EFCAB6: variants seen among roughly 807,000 people sequenced by gnomAD.
EFCAB6 encodes the protein EF-hand calcium-binding domain-containing protein 6.
A neutral mutation model predicts 169.8 loss-of-function variants in EFCAB6; 156 were observed. The ratio of observed to expected loss-of-function variants is 0.92; its 90% CI spans 0.81 to 1.05. The LOEUF (loss-of-function observed/expected upper bound fraction) is 1.05, where lower values mean the gene tolerates loss of function less well. EFCAB6 is among the 50% of genes least tolerant of loss of function. The pLI is 0.00. For missense variants in EFCAB6, 1,800 were observed against 1,829.1 expected (o/e 0.98, Z 0.29); for synonymous variants, 698 against 676.4 (o/e 1.03, Z -0.50).
At chr22:43,740,148 T>C (rs2060317129) in intron 6 of EFCAB6, among the ~76,000 whole-genome samples, 2 of 152,184 alleles carry the variant, frequency 1.3e-5, no homozygotes, top group Non-Finnish European at 2.9e-5. Context: ...GCTCACTCCC[T>C]GGCTTCATTC....
chr22:43,745,078 T>A (rs1320751692), intron 6 of EFCAB6, among the ~76,000 whole-genome samples: 1 of 152,174 alleles, frequency 6.6e-6, no homozygotes, highest in Non-Finnish European at 1.5e-5. Flanking sequence ...AGCTAAGAAA[T>A]CAAACTGCTT....
chr22:43,794,298 C>A (rs1192968271), intron 2 of EFCAB6, among the ~76,000 whole-genome samples: 1 of 152,184 alleles, frequency 6.6e-6, no homozygotes, highest in Non-Finnish European at 1.5e-5. Context: ...TGGGTGTTAT[C>A]TCATTTAATC....
chr22:43,786,058 C>A (rs1224365034), intron 2 of EFCAB6, among the ~76,000 whole-genome samples: 3 of 152,092 alleles, frequency 2.0e-5, no homozygotes, highest in Non-Finnish European at 4.4e-5. Context: ...TAAATTCTAC[C>A]AAACATTTAA....
rs1569487253 is a variant in EFCAB6, at chr22:43,784,562, T to TATATGTGTATATATACAC, written c.-7-2238_-7-2237insGTGTATATATACACATAT. Reference sequence around the variant, plus strand: ...GTGTGTGTATATGTATATATACACATATATATGTGTACATATACACATATA... The same window carrying TATATGTGTATATATACAC: ...GTGTGTGTATATGTATATATACACATATATGTGTATATATACACATATATGTGTACATATACACATATA... On this transcript the variant is annotated intron_variant, in intron 2 of 31. Transcript: ENST00000262726. Among the ~76,000 whole-genome samples, 35 of 77,088 alleles carry TATATGTGTATATATACAC rather than the reference T, an allele frequency of 4.5e-4. 1 individual carries two copies. The highest frequency in any genetic ancestry group is 1.8e-3 in the African/African-American group (31 of 16,996). 50.6% of individuals were successfully genotyped at this position (77,088 alleles called of 152,430 possible). A position where few individuals can be genotyped will look rare whatever the true frequency, so the allele number is the denominator to read the frequency against.
chr22:43,794,630 CG>C (rs1404908288), intron 2 of EFCAB6, among the ~76,000 whole-genome samples: 1 of 152,122 alleles, frequency 6.6e-6, no homozygotes, highest in East Asian at 1.9e-4. Flanking sequence ...GTTTGCAAAA[CG>C]GTTTAACAAT....
chr22:43,581,515 C>A (rs1032294255), intron 24 of EFCAB6, among the ~76,000 whole-genome samples: 1 of 152,126 alleles, frequency 6.6e-6, no homozygotes. Flanking sequence ...AAAAGTCTCA[C>A]GGAACATATA....
At chr22:43,565,074 T>C (rs927683901) in intron 26 of EFCAB6, among the ~76,000 whole-genome samples, 1 of 152,198 alleles carries the variant, frequency 6.6e-6, no homozygotes, top group Admixed American at 6.5e-5. Context: ...GCCCCTTGGC[T>C]TTGGATTCCG....
intron 24 of EFCAB6, among the ~76,000 whole-genome samples, chr22:43,581,452 G>A (rs1333326600): frequency 6.6e-6 from 1 of 152,182 alleles, no homozygotes; most frequent in African/African-American, 2.4e-5. Flanking sequence ...CCTTGACTCT[G>A]ACACAGAAGA....
rs36014478 is a variant in EFCAB6, at chr22:43,537,829, CTG to C, written c.3880-286_3880-285del. Among the ~76,000 whole-genome samples, 1 of 151,126 alleles carries C rather than the reference CTG, an allele frequency of 6.6e-6. No homozygotes were observed. The highest frequency in any genetic ancestry group is 1.5e-5 in the Non-Finnish European group (1 of 67,722). ...CAGATGAGATGTAAACATATTTCTG[CTG>C]TGTGTGTGTGTGTGTGAGAAGTGAC... is the stretch of plus-strand genomic sequence containing the variant. On this transcript the variant is annotated intron_variant, in intron 28 of 31. Coordinates refer to ENST00000262726, the MANE Select transcript of EFCAB6 (RefSeq NM_022785.4). The surrounding 1 kb of genome is among the most constrained non-coding windows in gnomAD (Gnocchi z 4.3).
intron 2 of EFCAB6, among the ~76,000 whole-genome samples, chr22:43,807,913 C>T (rs1314741710): frequency 6.6e-6 from 1 of 152,136 alleles, no homozygotes; most frequent in Non-Finnish European, 1.5e-5. Context: ...GTGGAAAAAT[C>T]AAAACCTTTG....
At chr22:43,574,781 G>A (rs1214377803) in intron 26 of EFCAB6, among the ~76,000 whole-genome samples, 1 of 152,178 alleles carries the variant, frequency 6.6e-6, no homozygotes, top group Non-Finnish European at 1.5e-5. Flanking sequence ...GTCATTTGTA[G>A]ACAACGAGAC....
At chr22:43,681,460 T>C (rs1603193257) in intron 12 of EFCAB6, among the ~76,000 whole-genome samples, 1 of 152,224 alleles carries the variant, frequency 6.6e-6, no homozygotes, top group Non-Finnish European at 1.5e-5. Flanking sequence ...AGGGTAATAC[T>C]GGCCTCAGAG....
rs183266797 is a variant in EFCAB6 at position 43,811,361 on chromosome 22, A to C, written c.-145+807T>G. 5.2e-4 allele frequency among the ~76,000 whole-genome samples: 55 copies of C among 106,516 alleles called. 1 individual carries two copies. In the East Asian group the frequency reaches 0.011, roughly 21 times the overall value. 69.9% of individuals were successfully genotyped at this position (106,516 alleles called of 152,430 possible). The stretch of plus-strand genomic sequence containing the variant: ...GAGAGAGGAGGGGAGGAAGGGAAGA[A>C]AGGGGAAGGGAAGGGAGGGGAGGGG... On this transcript the variant is annotated intron_variant, in intron 1 of 31. Coordinates refer to ENST00000262726, the MANE Select transcript of EFCAB6 (RefSeq NM_022785.4).
intron 20 of EFCAB6, among the ~76,000 whole-genome samples, chr22:43,624,471 G>A (rs1387056891): frequency 6.6e-6 from 1 of 152,080 alleles, no homozygotes; most frequent in Non-Finnish European, 1.5e-5. Flanking sequence ...CCATGCAGGT[G>A]GATCCCACAC....
At chr22:43,767,736 C>T (rs924795980) in intron 4 of EFCAB6, among the ~76,000 whole-genome samples, 3 of 152,242 alleles carry the variant, frequency 2.0e-5, no homozygotes, top group Non-Finnish European at 4.4e-5. Flanking sequence ...AAAGACAGCC[C>T]GTCAAATTAT....
In EFCAB6 at chr22:43,540,129, A is replaced by T. The variant is rs772930681; in HGVS notation, c.3877T>A (p.Cys1293Ser). ...ACCTGGCAGGATGGAGAACTCACACAGGGGTGGCTCTGCGACTTTGACCCT... is the reference window on the plus strand; with the variant it reads ...ACCTGGCAGGATGGAGAACTCACACTGGGGTGGCTCTGCGACTTTGACCCT... ...RPGSKSQSHPCTPASTTVIPG... is the reference protein window; with the variant it reads ...RPGSKSQSHPSTPASTTVIPG... The change falls in exon 28 of 32, where the codon TGT becomes AGT. Residue 1293 changes from cysteine to serine, a missense_variant and splice_region_variant. Cys to Ser is a moderately radical substitution (Grantham distance 112). Transcript: ENST00000262726. 1.9e-6 allele frequency: 3 copies of T among 1,613,876 alleles called. No homozygotes were observed. In the Admixed American group the frequency reaches 5.0e-5, roughly 27 times the overall value.
At chr22:43,810,246 C>T (rs761056199) in intron 1 of EFCAB6, among the ~76,000 whole-genome samples, 1 of 152,264 alleles carries the variant, frequency 6.6e-6, no homozygotes, top group Middle Eastern at 3.4e-3. Flanking sequence ...CTGTGCTTGG[C>T]ACACAGTAAG....
intron 6 of EFCAB6, among the ~76,000 whole-genome samples, chr22:43,739,515 C>T (rs997961319): frequency 2.0e-5 from 3 of 152,148 alleles, no homozygotes; most frequent in Non-Finnish European, 4.4e-5. Flanking sequence ...CCACTGATGA[C>T]TCCCACATGT....
At position 43,782,248 on chromosome 22, in the gene EFCAB6, C is replaced by A; in HGVS notation, c.71G>T (p.Arg24Ile). 1 of 1,614,028 alleles carries A rather than the reference C, an allele frequency of 6.2e-7. No individual in the cohort carries two copies. The highest frequency in any genetic ancestry group is 8.5e-7 in the Non-Finnish European group (1 of 1,179,950). The change falls in exon 3 of 32, where the codon AGA becomes ATA. Residue 24 changes from arginine to isoleucine, a missense_variant. Arg to Ile is a moderately conservative substitution (Grantham distance 97). Transcript: ENST00000262726. Reference sequence around the variant, plus strand: ...TACTCTACACGGTGAAGAATGGGGTCTTGAATGTGTAAATTTTCGTGTGTG... The same window carrying A: ...TACTCTACACGGTGAAGAATGGGGTATTGAATGTGTAAATTTTCGTGTGTG... ...HPHTRKFTHS[R>I]PHSSPCRVYS...
Sources: gnomAD v4.1 joint callset for allele counts (sites outside exome capture counted in the v4.1 genomes callset) on GRCh38, gnomAD v4.1.1 for gene constraint, Gnocchi (gnomAD v3.1) non-coding constraint, MANE v1.5 for transcripts, NCBI Gene and HGNC (gene_info 2026-07-23, HGNC 2026-07-21) for gene names.